Variants in SPATS2 observed in about 807,000 individuals in gnomAD.
SPATS2 encodes the protein spermatogenesis associated serine rich 2.
In SPATS2, 38 loss-of-function variants were observed where a neutral mutation model predicts 63.7. The observed-to-expected ratio is 0.60, with a 90% CI of 0.46 to 0.78. The LOEUF (loss-of-function observed/expected upper bound fraction) is 0.78, where lower values mean the gene tolerates loss of function less well. SPATS2 is among the 30% of genes least tolerant of loss of function. The pLI, the probability that SPATS2 is intolerant of heterozygous loss-of-function variation, is 0.00. For synonymous variants in SPATS2, 207 were observed against 232.9 expected (o/e 0.89, Z 1.01); for missense variants, 588 against 666.2 (o/e 0.88, Z 1.29).
chr12:49,373,815 C>G (rs551519079), intron 2 of SPATS2, among the ~76,000 whole-genome samples: 1 of 152,202 alleles, frequency 6.6e-6, no homozygotes, highest in African/African-American at 2.4e-5. Context: ...GTCGCAGCTA[C>G]TCGGGAGGCA....
intron 2 of SPATS2, among the ~76,000 whole-genome samples, chr12:49,431,489 C>G (rs1279688532): frequency 6.6e-6 from 1 of 152,136 alleles, no homozygotes; most frequent in Non-Finnish European, 1.5e-5. Context: ...ACCTTGTGAT[C>G]TGCCCGCCTC....
intron 2 of SPATS2, among the ~76,000 whole-genome samples, chr12:49,452,797 T>A (rs535414463): frequency 6.6e-6 from 1 of 152,258 alleles, no homozygotes; most frequent in African/African-American, 2.4e-5. Context: ...TAAAAATAAT[T>A]TCTATCTCTT....
chr12:49,516,573 G>A (rs1372967940), intron 10 of SPATS2, among the ~76,000 whole-genome samples: 13 of 151,670 alleles, frequency 8.6e-5, no homozygotes, highest in Non-Finnish European at 4.4e-5. Flanking sequence ...GGGCATGGTG[G>A]CATGCGCCTG....
rs1167633985 is a variant in SPATS2 at position 49,522,836 on chromosome 12, T to C, written c.1094T>C (p.Ile365Thr). 2 of 1,613,244 alleles carry C rather than the reference T, an allele frequency of 1.2e-6. No homozygotes were observed. The highest frequency in any genetic ancestry group is 2.2e-5 in the East Asian group (1 of 44,868). ...GATGTAGAGACCCTAAAGAAGAGCA[T>C]TGATTCATTTGGACAAGGTGAGATG... The part of the protein sequence containing the change: ...TCDVETLKKS[I>T]DSFGQVSHPK... The change falls in exon 12 of 14, where the codon ATT (isoleucine) becomes ACT (threonine). Residue 365 changes from isoleucine (I) to threonine (T), a missense_variant. Coordinates refer to ENST00000552918, the MANE Select transcript of SPATS2 (RefSeq NM_023071.4).
chr12:49,490,423 C>T, intron 5 of SPATS2: 2 of 422,238 alleles, frequency 4.7e-6, no homozygotes, highest in Non-Finnish European at 4.2e-6. Flanking sequence ...TCAAAATGGC[C>T]CAGCTACATT....
intron 2 of SPATS2, among the ~76,000 whole-genome samples, chr12:49,409,704 G>A (rs1365710858): frequency 6.9e-6 from 1 of 143,940 alleles, no homozygotes; most frequent in African/African-American, 2.6e-5. Flanking sequence ...TCAGGTTCAA[G>A]CAATTCTCCT....
chr12:49,447,483 C>G (rs1945534778), intron 2 of SPATS2, among the ~76,000 whole-genome samples: 3 of 152,154 alleles, frequency 2.0e-5, no homozygotes, highest in Admixed American at 6.6e-5. Context: ...GTGATCCCCC[C>G]ACCTCGGCCT....
intron 6 of SPATS2, among the ~76,000 whole-genome samples, chr12:49,493,862 A>G (rs1243840027): frequency 6.6e-6 from 1 of 152,166 alleles, no homozygotes. Context: ...TCCTTTTTTC[A>G]TGTAATATAT....
intron 2 of SPATS2, among the ~76,000 whole-genome samples, chr12:49,422,704 C>T (rs1396042754): frequency 6.6e-6 from 1 of 152,022 alleles, no homozygotes; most frequent in African/African-American, 2.4e-5. Flanking sequence ...CTCCGGAGTT[C>T]GAGATCAGCC....
intron 4 of SPATS2, among the ~76,000 whole-genome samples, chr12:49,488,645 G>A (rs1046801930): frequency 1.8e-4 from 28 of 151,976 alleles, no homozygotes; most frequent in African/African-American, 2.7e-4. Flanking sequence ...GTGACAGAGC[G>A]AGACTGTCTC....
At chr12:49,436,236 T>G (rs1385767166) in intron 2 of SPATS2, among the ~76,000 whole-genome samples, 2 of 146,958 alleles carry the variant, frequency 1.4e-5, no homozygotes, top group Non-Finnish European at 3.0e-5. Context: ...GAGGCGCCCC[T>G]CACCTCCCGG....
chr12:49,371,391 TC>T (rs1275728557), intron 2 of SPATS2, 101 bp downstream of exon 2: 1 of 152,266 alleles, frequency 6.6e-6, no homozygotes, highest in East Asian at 1.9e-4. Context: ...AGAATCTTAT[TC>T]CTTTTTAAGC....
chr12:49,503,773 C>G (rs1269494429), intron 9 of SPATS2, among the ~76,000 whole-genome samples: 2 of 152,124 alleles, frequency 1.3e-5, no homozygotes, highest in African/African-American at 4.8e-5. Context: ...TGATTCCATT[C>G]GGAACAAGCT....
At chr12:49,424,119 C>T (rs752181409) in intron 2 of SPATS2, among the ~76,000 whole-genome samples, 6 of 152,162 alleles carry the variant, frequency 3.9e-5, no homozygotes, top group Non-Finnish European at 8.8e-5. Flanking sequence ...AGGAGAATCA[C>T]TTGAACCCGA....
At chr12:49,396,141 G>A (rs922995060) in intron 2 of SPATS2, among the ~76,000 whole-genome samples, 3 of 152,000 alleles carry the variant, frequency 2.0e-5, no homozygotes, top group Non-Finnish European at 4.4e-5. Flanking sequence ...TAATTCATCC[G>A]TTGATGTACA....
In SPATS2 at chr12:49,488,566, G is replaced by A. The variant is rs371333136; in HGVS notation, c.106-899G>A. Among the ~76,000 whole-genome samples the A allele has an allele frequency of 5.1e-4, 78 of 152,126 alleles. No homozygotes were observed. In the South Asian group the frequency reaches 0.012, roughly 24 times the overall value. On this transcript the variant is annotated intron_variant, in intron 4 of 13. Transcript: ENST00000552918. ...CTGACTACTCAGGAGGCTGGGGCACGAGAATCGCTTGAACCTGGGAGGTGG... is the reference window on the plus strand; with the variant it reads ...CTGACTACTCAGGAGGCTGGGGCACAAGAATCGCTTGAACCTGGGAGGTGG...
At chr12:49,435,316 C>T (rs574780674) in intron 2 of SPATS2, among the ~76,000 whole-genome samples, 18 of 151,736 alleles carry the variant, frequency 1.2e-4, no homozygotes, top group African/African-American at 4.3e-4. Flanking sequence ...AGGCGTGAGC[C>T]ACTGTGCCTG....
At chr12:49,442,786 TAAAAAA>T (rs71439499) in intron 2 of SPATS2, 47 of 27,138 alleles carry the variant, frequency 1.7e-3, no homozygotes, top group South Asian at 4.8e-3. Context: ...CATGTCTCCT[TAAAAAA>T]AAAAAAAAAA....
chr12:49,460,840 G>A lies in SPATS2; in HGVS notation c.-173G>A. The A allele has an allele frequency of 1.5e-6, 1 of 649,612 alleles. No individual in the cohort carries two copies. The highest frequency in any genetic ancestry group is 1.8e-5 in the South Asian group (1 of 55,986). The allele number at this position is 649,612 out of a possible 1,614,324, so 40.2% of individuals were successfully genotyped here. A position where few individuals can be genotyped will look rare whatever the true frequency, so the allele number is the denominator to read the frequency against. ...TGACAAGAAGTTGATACAAGAAAAGGAAAGGAGATTAACAGCTAGTGAGCA... is the reference window on the plus strand; with the variant it reads ...TGACAAGAAGTTGATACAAGAAAAGAAAAGGAGATTAACAGCTAGTGAGCA... On this transcript the variant is annotated 5_prime_UTR_variant, in exon 3 of 14. Coordinates refer to ENST00000552918, the MANE Select transcript of SPATS2 (RefSeq NM_023071.4).
Sources: allele counts gnomAD v4.1 joint callset (sites outside exome capture counted in the v4.1 genomes callset), GRCh38; gene constraint gnomAD v4.1.1; transcripts MANE v1.5; gene names NCBI Gene and HGNC (gene_info 2026-07-23, HGNC 2026-07-21).